Variants in MKLN1 observed in about 807,000 individuals in gnomAD.
The protein encoded by MKLN1 is muskelin 1, also known as muskelin.
A neutral mutation model predicts 99.0 loss-of-function variants in MKLN1; 18 were observed. That is an observed-to-expected ratio of 0.18 (90% CI 0.13 to 0.27). MKLN1 has a LOEUF of 0.27. Among genes scored for constraint, MKLN1 ranks in the 10% least tolerant of loss-of-function variants. The probability of loss-of-function intolerance (pLI) is 1.00; values close to 1 mark genes in which losing one functional copy is unlikely to be tolerated. For missense variants in MKLN1, 621 were observed against 875.9 expected, an observed-to-expected ratio of 0.71 and a Z score of 3.67; for synonymous variants, 288 against 293.2, an observed-to-expected ratio of 0.98 and a Z score of 0.18.
rs144188203 is a variant in MKLN1 at position 131,262,475 on chromosome 7, C to T, written c.-179+59501C>T. ...AAGAATAACTCCCCACTACCCCCTC[C>T]TCCAAAATGTCTTTAATTCTGGTTA... On this transcript the variant is annotated intron_variant, in intron 3 of 7. Transcript: ENST00000416992. Among the ~76,000 whole-genome samples, 5 of 152,218 alleles carry T rather than the reference C, an allele frequency of 3.3e-5. 1 individual carries two copies. Among genetic ancestry groups the T allele is most frequent in the Admixed American group, 3.3e-4 (5 of 15,286 alleles).
intron 3 of MKLN1, among the ~76,000 whole-genome samples, chr7:131,212,265 A>G (rs965112064): frequency 6.6e-6 from 1 of 152,176 alleles, no homozygotes; most frequent in African/African-American, 2.4e-5. Context: ...CTTCCTCTAA[A>G]TTCCTTCCCT....
At chr7:131,330,276 A>C (rs1237874251) in intron 1 of MKLN1, among the ~76,000 whole-genome samples, 1 of 152,208 alleles carries the variant, frequency 6.6e-6, no homozygotes, top group East Asian at 1.9e-4. Flanking sequence ...AACAGGTCTC[A>C]TTTTAGGTTA....
At chr7:131,480,336 A>G (rs1248482777) in intron 17 of MKLN1, among the ~76,000 whole-genome samples, 4 of 152,176 alleles carry the variant, frequency 2.6e-5, no homozygotes, top group African/African-American at 9.6e-5. Flanking sequence ...TGGGATATCA[A>G]TTTAGTTTCT....
intron 2 of MKLN1, among the ~76,000 whole-genome samples, chr7:131,202,182 ATGT>A (rs1233551281): frequency 1.9e-5 from 1 of 51,978 alleles, no homozygotes; most frequent in Non-Finnish European, 3.8e-5. Flanking sequence ...TTTTTTTGAG[ATGT>A]TGTCTTGCTC....
At chr7:131,183,768 G>A (rs924276673) in intron 2 of MKLN1, among the ~76,000 whole-genome samples, 2 of 152,120 alleles carry the variant, frequency 1.3e-5, no homozygotes, top group Admixed American at 6.6e-5. Flanking sequence ...TCTTGACTAG[G>A]AGAAAAGCCA....
chr7:131,294,046 A>G (rs1190072023), intron 3 of MKLN1, among the ~76,000 whole-genome samples: 2 of 152,030 alleles, frequency 1.3e-5, no homozygotes, highest in South Asian at 2.1e-4. Flanking sequence ...AATGTCTCCA[A>G]GCGTTGCTAA....
At chr7:131,169,843 A>T (rs1293623167) in intron 2 of MKLN1, among the ~76,000 whole-genome samples, 1 of 152,228 alleles carries the variant, frequency 6.6e-6, no homozygotes, top group Non-Finnish European at 1.5e-5. Context: ...ATTAAATAGA[A>T]TTTCCCAAGA....
At chr7:131,325,831 A>G (rs1584604066), upstream of MKLN1, among the ~76,000 whole-genome samples, 1 of 150,696 alleles carries the variant, frequency 6.6e-6, no homozygotes, top group East Asian at 2.0e-4. Flanking sequence ...TAGAGAGAAC[A>G]AGGACTCTAT....
intron 3 of MKLN1, among the ~76,000 whole-genome samples, chr7:131,288,758 A>C (rs1798171235): frequency 6.6e-6 from 1 of 152,084 alleles, no homozygotes. Flanking sequence ...CTTGCTGTTC[A>C]GTACTTTCTA....
rs368415161 is a variant in MKLN1 at position 131,264,648 on chromosome 7, TG to T, written c.-179+61677del. Among the ~76,000 whole-genome samples the T allele has an allele frequency of 3.7e-3, 561 of 152,212 alleles. 7 individuals carry two copies. Among genetic ancestry groups the T allele is most frequent in the South Asian group, 0.013 (61 of 4,830 alleles). ...TATTTTTGGGTCCCCGGAGGGTTTT[TG>T]GGTTTTTTTTCTTTTTAGTTATTAT... On this transcript the variant is annotated intron_variant, in intron 3 of 7. Transcript: ENST00000416992.
intron 1 of MKLN1, among the ~76,000 whole-genome samples, chr7:131,127,787 G>A (rs1025482097): frequency 6.6e-6 from 1 of 152,138 alleles, no homozygotes; most frequent in African/African-American, 2.4e-5. Flanking sequence ...ATGTGGCTTC[G>A]ATTAACCACA....
intron 1 of MKLN1, among the ~76,000 whole-genome samples, chr7:131,119,796 G>A (rs1795333592): frequency 6.6e-6 from 1 of 152,170 alleles, no homozygotes; most frequent in South Asian, 2.1e-4. Flanking sequence ...AGCTGGAGTG[G>A]CTGGGATGCT....
chr7:131,163,726 G>A (rs1796085946), intron 2 of MKLN1, among the ~76,000 whole-genome samples: 1 of 152,020 alleles, frequency 6.6e-6, no homozygotes. Flanking sequence ...TTTTAACTTG[G>A]TAAAATCTTC....
chr7:131,439,558 C>A (rs1795770670), intron 10 of MKLN1, among the ~76,000 whole-genome samples: 1 of 152,104 alleles, frequency 6.6e-6, no homozygotes, highest in Non-Finnish European at 1.5e-5. Context: ...TATTCTATTT[C>A]ATACAAATAA....
intron 2 of MKLN1, among the ~76,000 whole-genome samples, chr7:131,202,397 G>A (rs1584830427): frequency 6.6e-6 from 1 of 152,064 alleles, no homozygotes; most frequent in Admixed American, 6.5e-5. Flanking sequence ...TTACAGGCTT[G>A]AGCCACCATG....
intron 3 of MKLN1, among the ~76,000 whole-genome samples, chr7:131,265,277 TTA>T (rs942592034): frequency 3.3e-5 from 5 of 152,172 alleles, no homozygotes; most frequent in African/African-American, 1.2e-4. Flanking sequence ...GGGAATTACT[TTA>T]TGTTTGGTGA....
intron 3 of MKLN1, among the ~76,000 whole-genome samples, chr7:131,298,079 C>CGA (rs1798320945): frequency 1.3e-5 from 2 of 150,914 alleles, no homozygotes; most frequent in African/African-American, 4.9e-5. Context: ...GTCAGGAGAT[C>CGA]GAGACCACGG....
intron 8 of MKLN1, among the ~76,000 whole-genome samples, chr7:131,421,949 A>G (rs1795207330): frequency 6.6e-6 from 1 of 152,188 alleles, no homozygotes; most frequent in South Asian, 2.1e-4. Context: ...TTTTGAGACA[A>G]AATACTAAAG....
At chr7:131,335,309 TAAAC>T (rs1052779307) in intron 1 of MKLN1, among the ~76,000 whole-genome samples, 2 of 152,184 alleles carry the variant, frequency 1.3e-5, no homozygotes, top group Admixed American at 6.5e-5. Flanking sequence ...ATGCTGTAGA[TAAAC>T]AAAGATATTG....
Sources: gnomAD v4.1 joint callset for allele counts (sites outside exome capture counted in the v4.1 genomes callset) on GRCh38, gnomAD v4.1.1 for gene constraint, MANE v1.5 for transcripts, NCBI Gene and HGNC (gene_info 2026-07-23, HGNC 2026-07-21) for gene names.